The following PDK1 variants were observed in gnomAD, a reference collection of about 807,000 sequenced individuals.
The protein encoded by PDK1 is pyruvate dehydrogenase kinase 1.
Under a neutral mutation model 54.2 loss-of-function variants are expected in PDK1, and 39 were observed. The ratio of observed to expected loss-of-function variants is 0.72; its 90% CI spans 0.56 to 0.94. PDK1 has a LOEUF of 0.94. PDK1 is among the 40% of genes least tolerant of loss of function. The probability of loss-of-function intolerance (pLI) is 0.00; values close to 1 mark genes in which losing one functional copy is unlikely to be tolerated. For missense variants in PDK1, 552 were observed against 566.0 expected, an observed-to-expected ratio of 0.98 and a Z score of 0.25; for synonymous variants, 221 against 207.1, an observed-to-expected ratio of 1.07 and a Z score of -0.58.
chr2:172,646,734 C>CTTTTTTTTTT, the PDK1 span, among the ~76,000 whole-genome samples: 2 of 25,298 alleles, frequency 7.9e-5, no homozygotes, highest in African/African-American at 2.0e-4. Context: ...CCTTGCATTT[C>CTTTTTTTTTT]CTTTTTTTTT....
Position 172,583,281 on chromosome 2 carries a change from G to GTTTTTTT in PDK1, c.946-2972_946-2966dup, listed in dbSNP as rs1175087926. On this transcript the variant is annotated intron_variant, in intron 8 of 10. Transcript: ENST00000282077. ...CATAATGCTGCATAAAAGTTTTCTGGTTTTTTTTTTTTTTTTTTTTTTTTT... is the reference window on the plus strand; with the variant it reads ...CATAATGCTGCATAAAAGTTTTCTGGTTTTTTTTTTTTTTTTTTTTTTTTTTTTTTTT... Among the ~76,000 whole-genome samples the GTTTTTTT allele has an allele frequency of 1.1e-3, 81 of 77,072 alleles. 7 individuals carry two copies. Among genetic ancestry groups the GTTTTTTT allele is most frequent in the African/African-American group, 2.9e-3 (54 of 18,478 alleles). 50.6% of individuals were successfully genotyped at this position (77,072 alleles called of 152,430 possible). A position where few individuals can be genotyped will look rare whatever the true frequency, so the allele number is the denominator to read the frequency against.
the PDK1 span, among the ~76,000 whole-genome samples, chr2:172,680,581 T>G: frequency 6.6e-6 from 1 of 152,124 alleles, no homozygotes; most frequent in Non-Finnish European, 1.5e-5. Flanking sequence ...TTGACCAGGC[T>G]GGTCTTGAAC....
At chr2:172,713,325 A>G in the PDK1 span, among the ~76,000 whole-genome samples, 1 of 152,168 alleles carries the variant, frequency 6.6e-6, no homozygotes, top group African/African-American at 2.4e-5. Flanking sequence ...AGTCCGTGGA[A>G]CTGGCAGCCT....
At chr2:172,560,480 A>G (rs1289541540) in intron 2 of PDK1, among the ~76,000 whole-genome samples, 1 of 152,214 alleles carries the variant, frequency 6.6e-6, no homozygotes, top group Non-Finnish European at 1.5e-5. Context: ...TTAACTCTGT[A>G]CAGATGAGGA....
At chr2:172,646,735 C>CTTTTTTTT in the PDK1 span, among the ~76,000 whole-genome samples, 10 of 72,048 alleles carry the variant, frequency 1.4e-4, no homozygotes, top group African/African-American at 2.1e-4. Flanking sequence ...CTTGCATTTC[C>CTTTTTTTT]TTTTTTTTTT....
At chr2:172,616,334 G>A in the PDK1 span, among the ~76,000 whole-genome samples, 1 of 152,154 alleles carries the variant, frequency 6.6e-6, no homozygotes, top group Non-Finnish European at 1.5e-5. Context: ...TGTGAAATAA[G>A]TAAGTTTTGA....
intron 9 of PDK1, among the ~76,000 whole-genome samples, chr2:172,589,297 G>C (rs903206193): frequency 2.0e-5 from 3 of 152,200 alleles, no homozygotes; most frequent in Admixed American, 2.0e-4. Flanking sequence ...TTTTTACAAA[G>C]AAACTAATTA....
chr2:172,645,539 G>A, the PDK1 span, among the ~76,000 whole-genome samples: 1 of 152,110 alleles, frequency 6.6e-6, no homozygotes, highest in Non-Finnish European at 1.5e-5. Flanking sequence ...GATTACAGGT[G>A]TAAGCCACTG....
At chr2:172,653,169 C>G in the PDK1 span, among the ~76,000 whole-genome samples, 2 of 152,124 alleles carry the variant, frequency 1.3e-5, no homozygotes, top group African/African-American at 4.8e-5. Flanking sequence ...TAATACCACA[C>G]ATCTACAACC....
chr2:172,617,582 C>T, the PDK1 span, among the ~76,000 whole-genome samples: 1 of 152,050 alleles, frequency 6.6e-6, no homozygotes, highest in Non-Finnish European at 1.5e-5. Flanking sequence ...TGGCAGAAGA[C>T]CGAGACAGCA....
At chr2:172,648,742 A>G in the PDK1 span, among the ~76,000 whole-genome samples, 1 of 152,218 alleles carries the variant, frequency 6.6e-6, no homozygotes, top group Admixed American at 6.5e-5. Flanking sequence ...CTGCTAGCAC[A>G]GCAGTCTGAG....
downstream of PDK1, among the ~76,000 whole-genome samples, chr2:172,613,047 A>G (rs1287384224): frequency 6.6e-6 from 1 of 152,328 alleles, no homozygotes; most frequent in East Asian, 1.9e-4. Flanking sequence ...AGGAATGTAA[A>G]AGGTTTATTG....
the PDK1 span, among the ~76,000 whole-genome samples, chr2:172,627,324 T>C: frequency 6.6e-6 from 1 of 152,158 alleles, no homozygotes; most frequent in Non-Finnish European, 1.5e-5. Context: ...AATACTTCAG[T>C]GGAACATAAA....
the PDK1 span, among the ~76,000 whole-genome samples, chr2:172,680,132 G>C: frequency 6.6e-6 from 1 of 152,066 alleles, no homozygotes; most frequent in Non-Finnish European, 1.5e-5. Context: ...CCAAATTCCA[G>C]CCAGGTGCTT....
At chr2:172,611,354 C>T (rs1404015962), downstream of PDK1, among the ~76,000 whole-genome samples, 1 of 152,046 alleles carries the variant, frequency 6.6e-6, no homozygotes, top group Non-Finnish European at 1.5e-5. Flanking sequence ...TGTGCATAGT[C>T]CTTTAACCAC....
At chr2:172,644,519 G>A in the PDK1 span, among the ~76,000 whole-genome samples, 3 of 152,150 alleles carry the variant, frequency 2.0e-5, no homozygotes, top group Non-Finnish European at 4.4e-5. Flanking sequence ...AGTATAGAGT[G>A]TCTAGCACAT....
the PDK1 span, among the ~76,000 whole-genome samples, chr2:172,696,826 A>G: frequency 6.6e-6 from 1 of 152,208 alleles, no homozygotes; most frequent in Non-Finnish European, 1.5e-5. Flanking sequence ...TCATGATCTT[A>G]TAGGATCCTT....
chr2:172,659,874 C>G, the PDK1 span, among the ~76,000 whole-genome samples: 4 of 152,152 alleles, frequency 2.6e-5, no homozygotes, highest in South Asian at 2.1e-4. Flanking sequence ...GGAGCAGCAC[C>G]TTTTCTGGGA....
chr2:172,576,549 T>C (rs181731358), intron 8 of PDK1, among the ~76,000 whole-genome samples: 1 of 152,034 alleles, frequency 6.6e-6, no homozygotes, highest in Non-Finnish European at 1.5e-5. Flanking sequence ...GTGGTGTTAT[T>C]TTGCTCCTGT....
Sources: allele counts gnomAD v4.1 joint callset (sites outside exome capture counted in the v4.1 genomes callset), GRCh38; gene constraint gnomAD v4.1.1; transcripts MANE v1.5; gene names NCBI Gene and HGNC (gene_info 2026-07-23, HGNC 2026-07-21).